Variants in KIF13B observed in about 807,000 individuals in gnomAD.
KIF13B encodes kinesin family member 13B.
In KIF13B, 127 loss-of-function variants were observed where a neutral mutation model predicts 222.0. The observed-to-expected ratio is 0.57, with a 90% CI of 0.50 to 0.66. The LOEUF (loss-of-function observed/expected upper bound fraction) is 0.66. Ranked by LOEUF, KIF13B falls within the 30% of genes least tolerant of loss-of-function variation. The pLI is 0.00. For missense variants in KIF13B, 2,173 were observed against 2,379.0 expected, an observed-to-expected ratio of 0.91 and a Z score of 1.80; for synonymous variants, 976 against 919.0, an observed-to-expected ratio of 1.06 and a Z score of -1.12.
chr8:29,088,582 T>C (rs1006273975), intron 37 of KIF13B, among the ~76,000 whole-genome samples: 3 of 152,116 alleles, frequency 2.0e-5, no homozygotes, highest in Admixed American at 2.0e-4. Flanking sequence ...TTTGTGAAAA[T>C]TGTGAAAATC....
At chr8:29,122,037 G>A (rs1206881801) in intron 29 of KIF13B, among the ~76,000 whole-genome samples, 2 of 151,930 alleles carry the variant, frequency 1.3e-5, no homozygotes, top group African/African-American at 2.4e-5. Context: ...GGCGGATCAC[G>A]AGGTCAGGAG....
At chr8:29,098,439 C>A (rs894123213) in intron 36 of KIF13B, among the ~76,000 whole-genome samples, 2 of 151,396 alleles carry the variant, frequency 1.3e-5, no homozygotes, top group Non-Finnish European at 2.9e-5. Flanking sequence ...CCCATCTCTA[C>A]TAAAAATGCA....
At chr8:29,093,610 A>T (rs923002908) in intron 36 of KIF13B, among the ~76,000 whole-genome samples, 1 of 152,222 alleles carries the variant, frequency 6.6e-6, no homozygotes, top group African/African-American at 2.4e-5. Flanking sequence ...GCCTCAACAG[A>T]TGCACACAAC....
chr8:29,209,135 G>A (rs991441725), intron 2 of KIF13B, among the ~76,000 whole-genome samples: 13 of 152,150 alleles, frequency 8.5e-5, no homozygotes, highest in Admixed American at 2.6e-4. Flanking sequence ...GCAAGTTTAC[G>A]TTTCTACAAT....
rs1032232188 is a variant in KIF13B at position 29,249,193 on chromosome 8, C to G, written c.56-3754G>C. 2.6e-5 allele frequency among the ~76,000 whole-genome samples: 4 copies of G among 152,120 alleles called. No individual in the cohort carries two copies. In the East Asian group the frequency reaches 7.7e-4, roughly 29 times the overall value. ...CTGTAATCCCATCACTTTGGGAGGC[C>G]GAGAAGGGTGGATCACTTGAGATCA... On this transcript the variant is annotated intron_variant, in intron 1 of 39. Transcript: ENST00000524189.
In KIF13B at chr8:29,191,049, A is replaced by G; in HGVS notation, c.171T>C (p.Ala57=). ...GDARGQPKVF[A]YDHCFWSMDE... Reference sequence around the variant, plus strand: ...CCATAGACCAGAAACAATGATCATAAGCAAACACCTGTTGAAAATGAACAT... The same window carrying G: ...CCATAGACCAGAAACAATGATCATAGGCAAACACCTGTTGAAAATGAACAT... Residue 57 remains alanine (A), a synonymous_variant, in exon 4 of 40, where the codon GCT becomes GCC. Transcript: ENST00000524189. 2 of 1,609,330 alleles carry G rather than the reference A, an allele frequency of 1.2e-6. No homozygotes were observed. The highest frequency in any genetic ancestry group is 2.2e-5 in the East Asian group (1 of 44,840).
chr8:29,245,244 G>A, intron 2 of KIF13B, 102 bp downstream of exon 2: 1 of 767,464 alleles, frequency 1.3e-6, no homozygotes, highest in Non-Finnish European at 2.2e-6. Context: ...TGTCTCTACA[G>A]GGTAGGCATT....
At chr8:29,105,645 GT>G (rs1809021980) in intron 35 of KIF13B, among the ~76,000 whole-genome samples, 1 of 90,116 alleles carries the variant, frequency 1.1e-5, no homozygotes, top group Non-Finnish European at 2.2e-5. Context: ...GGCAGAGTTT[GT>G]TTGGTTTTTT....
At chr8:29,239,744 C>T (rs929785105) in intron 2 of KIF13B, among the ~76,000 whole-genome samples, 1 of 152,150 alleles carries the variant, frequency 6.6e-6, no homozygotes, top group Non-Finnish European at 1.5e-5. Flanking sequence ...CTAACTGCAA[C>T]CTCCGCCTTC....
At chr8:29,255,306 C>A (rs541311182) in intron 1 of KIF13B, among the ~76,000 whole-genome samples, 20 of 152,200 alleles carry the variant, frequency 1.3e-4, no homozygotes, top group African/African-American at 4.3e-4. Flanking sequence ...AGAAAAAACT[C>A]GGAATGGATG....
chr8:29,144,449 G>C (rs896154800), intron 18 of KIF13B, among the ~76,000 whole-genome samples: 9 of 152,008 alleles, frequency 5.9e-5, no homozygotes, highest in Admixed American at 5.9e-4. Context: ...ATAGAGATGG[G>C]GTTTCATCAT....
Position 29,146,408 on chromosome 8 carries a change from A to C in KIF13B, c.2157T>G (p.Ile719Met), listed in dbSNP as rs188349891. The change falls in exon 18 of 40, where the codon ATT becomes ATG. Residue 719 changes from isoleucine to methionine, a missense_variant. Physicochemically the swap from Ile to Met is conservative, Grantham distance 10. Transcript: ENST00000524189. ...TGTTGGCATCCAGGCTGGAGGCTGG[A>C]ATCTGTAGGGTAACTTTGTATTCTG... ...KRTEYKVTLQIPASSLDANRK... is the reference protein window; with the variant it reads ...KRTEYKVTLQMPASSLDANRK... 63 of 1,613,910 alleles carry C rather than the reference A, an allele frequency of 3.9e-5. No individual in the cohort carries two copies. Among genetic ancestry groups the C allele is most frequent in the Non-Finnish European group, 5.3e-5 (62 of 1,179,850 alleles).
chr8:29,209,420 C>T (rs1814105584), intron 2 of KIF13B, among the ~76,000 whole-genome samples: 1 of 152,180 alleles, frequency 6.6e-6, no homozygotes, highest in Non-Finnish European at 1.5e-5. Flanking sequence ...AAGCTCCTCC[C>T]ACCATCCTAC....
chr8:29,142,061 G>C, intron 19 of KIF13B, 96 bp downstream of exon 19: 1 of 939,226 alleles, frequency 1.1e-6, no homozygotes, highest in Non-Finnish European at 1.6e-6. Flanking sequence ...TTATAATTTT[G>C]GAAAAAGAAC....
At chr8:29,248,175 C>T (rs1816119706) in intron 1 of KIF13B, among the ~76,000 whole-genome samples, 1 of 152,042 alleles carries the variant, frequency 6.6e-6, no homozygotes, top group Admixed American at 6.6e-5. Flanking sequence ...ACCATCTGAC[C>T]CAGCAATTCC....
At position 29,177,399 on chromosome 8, in the gene KIF13B, C is replaced by T. The variant is rs1812525935; in HGVS notation, c.833+67G>A. On this transcript the variant is annotated intron_variant, in intron 9 of 39. Transcript: ENST00000524189. ...TCAAATCACCTTAATATTTTAATAACCACAGATGTTCCCCTATTGGCTATT... is the reference window on the plus strand; with the variant it reads ...TCAAATCACCTTAATATTTTAATAATCACAGATGTTCCCCTATTGGCTATT... The T allele has an allele frequency of 1.5e-5, 16 of 1,086,226 alleles. No homozygotes were observed. The South Asian group carries it at 2.0e-4, about 14-fold the overall frequency. The allele number at this position is 1,086,226 out of a possible 1,614,324, so 67.3% of individuals were successfully genotyped here.
intron 10 of KIF13B, among the ~76,000 whole-genome samples, chr8:29,173,402 C>A (rs1272639445): frequency 6.6e-6 from 1 of 151,258 alleles, no homozygotes; most frequent in Non-Finnish European, 1.5e-5. Context: ...CAGGAGGATG[C>A]TCAAGGCCAG....
chr8:29,118,755 G>T, intron 30 of KIF13B, 113 bp downstream of exon 30: 1 of 1,065,772 alleles, frequency 9.4e-7, no homozygotes, highest in Non-Finnish European at 1.4e-6. Context: ...TTTGCTTTAT[G>T]TATTTTGAGA....
intron 11 of KIF13B, among the ~76,000 whole-genome samples, chr8:29,166,643 G>T (rs1161859797): frequency 1.3e-5 from 2 of 148,422 alleles, no homozygotes; most frequent in African/African-American, 5.0e-5. Flanking sequence ...GGCAGAGGTT[G>T]CAGTGAGCTG....
Sources: allele counts gnomAD v4.1 joint callset (sites outside exome capture counted in the v4.1 genomes callset), GRCh38; gene constraint gnomAD v4.1.1; transcripts MANE v1.5; gene names NCBI Gene and HGNC (gene_info 2026-07-23, HGNC 2026-07-21).